Variants in MED21 observed in about 807,000 individuals in gnomAD.
MED21 encodes mediator of RNA polymerase II transcription subunit 21.
A neutral mutation model predicts 18.2 loss-of-function variants in MED21; 9 were observed. The observed-to-expected ratio is 0.49, with a 90% confidence interval of 0.30 to 0.86. The LOEUF (loss-of-function observed/expected upper bound fraction) is 0.86, where lower values mean the gene tolerates loss of function less well. Ranked by LOEUF, MED21 falls within the 40% of genes least tolerant of loss-of-function variation. The pLI is 0.07. For synonymous variants in MED21, 73 were observed against 60.5 expected (o/e 1.21, Z -0.96); for missense variants, 150 against 170.9 (o/e 0.88, Z 0.68).
At chr12:27,023,301 T>TTTTC (rs796531372) in intron 1 of MED21, among the ~76,000 whole-genome samples, 1,062 of 5,402 alleles carry the variant, frequency 0.2, 20 homozygotes, top group African/African-American at 0.25. Context: ...TTTTCTTTTC[T>TTTTC]TTTTTTTTTT....
intron 2 of MED21, chr12:27,038,516 A>G (rs950394286): frequency 2.6e-5 from 4 of 152,232 alleles, no homozygotes; most frequent in African/African-American, 4.8e-5. Context: ...TAAGATTCCA[A>G]TTGGGATTTC....
In MED21 at chr12:27,026,510, G is replaced by A; in HGVS notation, c.133G>A (p.Asp45Asn). Residue 45 changes from aspartate (D) to asparagine (N), a missense_variant, in exon 2 of 4, where the codon GAC becomes AAC. Coordinates refer to ENST00000282892, the MANE Select transcript of MED21 (RefSeq NM_004264.5). Reference protein sequence around the residue: ...FNNIQTAINKDQPANPTEEYA... With the variant: ...FNNIQTAINKNQPANPTEEYA... Reference sequence around the variant, plus strand: ...TAATATTCAGACAGCAATTAACAAAGACCAGCCAGCTAACCCTACAGAAGG... The same window carrying A: ...TAATATTCAGACAGCAATTAACAAAAACCAGCCAGCTAACCCTACAGAAGG... The A allele has an allele frequency of 6.2e-7, 1 of 1,613,516 alleles. No homozygotes were observed. The highest frequency in any genetic ancestry group is 8.5e-7 in the Non-Finnish European group (1 of 1,179,650).
chr12:27,031,063 A>G (rs923174405), downstream of MED21, among the ~76,000 whole-genome samples: 1 of 152,008 alleles, frequency 6.6e-6, no homozygotes, highest in Non-Finnish European at 1.5e-5. Flanking sequence ...AGGCACCACC[A>G]TGCCTGGCTA....
rs11048821 is a variant in MED21 at position 27,029,818 on chromosome 12, T to C, written c.*1357T>C. ...AGAGAAGATTCAGTCAGAAAACTTA[T>C]TCAAAGTACCTAAGTATTATAAAGG... On this transcript the variant is annotated 3_prime_UTR_variant, in exon 4 of 4. Coordinates refer to ENST00000282892, the MANE Select transcript of MED21 (RefSeq NM_004264.5). 0.14 allele frequency: 134,263 copies of C among 993,530 alleles called. 9,730 individuals are homozygous for C. Among genetic ancestry groups the C allele is most frequent in the African/African-American group, 0.27 (15,395 of 57,678 alleles). The allele number at this position is 993,530 out of a possible 1,614,324, so 61.5% of individuals were successfully genotyped here.
At position 27,030,668 on chromosome 12, in the gene MED21, A is replaced by G. The variant is rs1941609522; in HGVS notation, c.*2207A>G. 1 of 152,624 alleles carries G rather than the reference A, an allele frequency of 6.6e-6. No individual in the cohort carries two copies. The highest frequency in any genetic ancestry group is 1.5e-5 in the Non-Finnish European group (1 of 68,348). 9.5% of individuals were successfully genotyped at this position (152,624 alleles called of 1,614,324 possible). On this transcript the variant is annotated 3_prime_UTR_variant, in exon 4 of 4. Coordinates refer to ENST00000282892, the MANE Select transcript of MED21 (RefSeq NM_004264.5). ...TGTAATTAAAAATAGACCTTTATTCACTAGACCTACAGTTTGCTTTTTTCA... is the reference window on the plus strand; with the variant it reads ...TGTAATTAAAAATAGACCTTTATTCGCTAGACCTACAGTTTGCTTTTTTCA...
chr12:27,028,426 A>G lies in MED21; in HGVS notation c.400A>G (p.Ser134Gly), dbSNP rs201943082. 2 of 1,614,112 alleles carry G rather than the reference A, an allele frequency of 1.2e-6. No individual in the cohort carries two copies. The highest frequency in any genetic ancestry group is 1.7e-5 in the Admixed American group (1 of 60,026). ...TGCACAGTCACAGCTGAAGACAAGA[A>G]GTGGTACCCATAGCCAGTCTCTTCC... ...DIAQSQLKTRSGTHSQSLPDS is the reference protein window; with the variant it reads ...DIAQSQLKTRGGTHSQSLPDS Residue 134 changes from serine to glycine, a missense_variant, in exon 4 of 4, where the codon AGT (serine) becomes GGT (glycine). By Grantham distance (56) the Ser-to-Gly change is moderately conservative. Transcript: ENST00000282892.
downstream of MED21, among the ~76,000 whole-genome samples, chr12:27,033,922 A>G (rs1941634696): frequency 6.6e-6 from 1 of 152,200 alleles, no homozygotes; most frequent in African/African-American, 2.4e-5. Flanking sequence ...CAAGCTAAGT[A>G]TCTAACTGAA....
intron 1 of MED21, among the ~76,000 whole-genome samples, chr12:27,024,276 A>G (rs1293538359): frequency 6.8e-6 from 1 of 147,234 alleles, no homozygotes; most frequent in Non-Finnish European, 1.5e-5. Context: ...AAACCTAAGT[A>G]CCTGGTTTCC....
chr12:27,037,283 T>A (rs1054951841), intron 2 of MED21: 2 of 152,028 alleles, frequency 1.3e-5, no homozygotes, highest in Admixed American at 1.3e-4. Flanking sequence ...TTTTTGTACA[T>A]TGATTTTGTA....
At chr12:27,022,756 C>A in intron 1 of MED21, 135 bp downstream of exon 1, 3 of 1,550,058 alleles carry the variant, frequency 1.9e-6, no homozygotes, top group Non-Finnish European at 2.6e-6. Context: ...AGCGCTCTCT[C>A]GGGAGGCGCC....
At chr12:27,024,981 A>AC (rs1443041231) in intron 1 of MED21, among the ~76,000 whole-genome samples, 1 of 152,154 alleles carries the variant, frequency 6.6e-6, no homozygotes, top group Admixed American at 6.6e-5. Context: ...CCCTCTGAAA[A>AC]CCGTGAGTGC....
downstream of MED21, among the ~76,000 whole-genome samples, chr12:27,031,960 G>T (rs1204689156): frequency 6.6e-6 from 1 of 152,080 alleles, no homozygotes; most frequent in Admixed American, 6.6e-5. Flanking sequence ...TGGATTAGGG[G>T]GTTCTCAAAG....
At chr12:27,037,737 A>T (rs1296537131) in intron 2 of MED21, 2 of 152,222 alleles carry the variant, frequency 1.3e-5, no homozygotes, top group African/African-American at 4.8e-5. Context: ...GGAATATTCA[A>T]AGGGCAGCTG....
downstream of MED21, among the ~76,000 whole-genome samples, chr12:27,033,257 A>G (rs1941631153): frequency 6.6e-6 from 1 of 152,130 alleles, no homozygotes; most frequent in African/African-American, 2.4e-5. Context: ...GAAGTCAAAG[A>G]TCAAAGTGCT....
chr12:27,027,484 A>G, intron 3 of MED21, 37 bp downstream of exon 3: 3 of 1,504,984 alleles, frequency 2.0e-6, no homozygotes, highest in Non-Finnish European at 9.2e-7. Context: ...TACCAGTAAT[A>G]GAGAATTTTG....
At position 27,028,402 on chromosome 12, in the gene MED21, GCA is replaced by G. The variant is rs781377005; in HGVS notation, c.379_380del (p.Gln127ValfsTer11). On this transcript the variant is annotated frameshift_variant, in exon 4 of 4. Coordinates refer to ENST00000282892, the MANE Select transcript of MED21 (RefSeq NM_004264.5). LOFTEE classifies it high-confidence loss of function. ...EKIQSALADI[A>X]QSQLKTRSGT... Reference sequence around the variant, plus strand: ...GATACAAAGCGCACTTGCTGATATTGCACAGTCACAGCTGAAGACAAGAAGTG... The same window carrying G: ...GATACAAAGCGCACTTGCTGATATTGCAGTCACAGCTGAAGACAAGAAGTG... 4.5e-5 allele frequency: 72 copies of G among 1,613,982 alleles called. No individual in the cohort carries two copies. Among genetic ancestry groups the G allele is most frequent in the Non-Finnish European group, 5.9e-5 (70 of 1,179,992 alleles).
At chr12:27,023,300 C>CTTTTTTTTTT (rs71437317) in intron 1 of MED21, among the ~76,000 whole-genome samples, 1,200 of 109,954 alleles carry the variant, frequency 0.011, 8 homozygotes, top group East Asian at 0.013. Context: ...TTTTTCTTTT[C>CTTTTTTTTTT]TTTTTTTTTT....
At chr12:27,033,158 A>C (rs1941630605), downstream of MED21, among the ~76,000 whole-genome samples, 1 of 151,974 alleles carries the variant, frequency 6.6e-6, no homozygotes, top group South Asian at 2.1e-4. Context: ...GTTTGTATTC[A>C]CCCATTCAGG....
chr12:27,034,152 AC>A (rs1212073705), downstream of MED21, among the ~76,000 whole-genome samples: 4 of 152,304 alleles, frequency 2.6e-5, no homozygotes, highest in East Asian at 7.7e-4. Flanking sequence ...GCAGTGACTC[AC>A]ACCTGTAGTC....
Sources: gnomAD v4.1 joint callset for allele counts (sites outside exome capture counted in the v4.1 genomes callset) on GRCh38, gnomAD v4.1.1 for gene constraint, MANE v1.5 for transcripts, NCBI Gene and HGNC (gene_info 2026-07-23, HGNC 2026-07-21) for gene names.